Variants in CHD3 observed in about 807,000 individuals in gnomAD.
CHD3 encodes ATP-dependent chromatin remodeler CHD3.
Under a neutral mutation model 248.9 loss-of-function variants are expected in CHD3, and 52 were observed. That is an observed-to-expected ratio of 0.21 (90% confidence interval 0.17 to 0.26). The LOEUF (loss-of-function observed/expected upper bound fraction) is 0.26, where lower values mean the gene tolerates loss of function less well. Among genes scored for constraint, CHD3 ranks in the 10% least tolerant of loss-of-function variants. The pLI, the probability that CHD3 is intolerant of heterozygous loss-of-function variation, is 1.00. For missense variants in CHD3, 1,482 were observed against 2,605.8 expected (o/e 0.57, Z 9.39); for synonymous variants, 985 against 985.2 (o/e 1.00, Z 0.00).
At position 7,910,290 on chromosome 17, in the gene CHD3, G is replaced by C. The variant is rs1041337600; in HGVS notation, c.5591-138G>C. 3 of 1,055,582 alleles carry C rather than the reference G, an allele frequency of 2.8e-6. No homozygotes were observed. The African/African-American group carries it at 4.7e-5, about 17-fold the overall frequency. The allele number at this position is 1,055,582 out of a possible 1,614,324, so 65.4% of individuals were successfully genotyped here. A position where few individuals can be genotyped will look rare whatever the true frequency, so the allele number is the denominator to read the frequency against. Reference sequence around the variant, plus strand: ...ACTTCTTTTACTTTCTTGATCTCTGGTTCTTTGACATCTGTGTTCTCCTCT... The same window carrying C: ...ACTTCTTTTACTTTCTTGATCTCTGCTTCTTTGACATCTGTGTTCTCCTCT... On this transcript the variant is annotated intron_variant, in intron 37 of 39. Transcript: ENST00000330494. The surrounding 1 kb of genome is among the most constrained non-coding windows in gnomAD (Gnocchi z 4.7).
upstream of CHD3, among the ~76,000 whole-genome samples, chr17:7,888,517 G>A (rs545411416): frequency 1.3e-5 from 2 of 152,248 alleles, no homozygotes; most frequent in Non-Finnish European, 2.9e-5. Flanking sequence ...AGGGCCCCAG[G>A]TCTGTGGGGC....
chr17:7,905,423 C>G lies in CHD3; in HGVS notation c.4139-198C>G. On this transcript the variant is annotated intron_variant, in intron 26 of 39. Coordinates refer to ENST00000330494, the MANE Select transcript of CHD3 (RefSeq NM_001005273.3). This position sits in a 1 kb window ranked among gnomAD's most constrained non-coding sequence, Gnocchi z 5.8. Reference sequence around the variant, plus strand: ...AATCTGGGCCTTTGTCAGATATCAGCTGTTAATTTTAAAATATGACTGGTT... The same window carrying G: ...AATCTGGGCCTTTGTCAGATATCAGGTGTTAATTTTAAAATATGACTGGTT... 3.2e-6 allele frequency: 2 copies of G among 618,838 alleles called. No homozygotes were observed. Among genetic ancestry groups the G allele is most frequent in the South Asian group, 4.0e-5 (2 of 49,464 alleles). The allele number at this position is 618,838 out of a possible 1,614,324, so 38.3% of individuals were successfully genotyped here. A position where few individuals can be genotyped will look rare whatever the true frequency, so the allele number is the denominator to read the frequency against.
intron 10 of CHD3, among the ~76,000 whole-genome samples, chr17:7,896,230 A>C (rs1447779785): frequency 4.1e-5 from 6 of 146,796 alleles, no homozygotes; most frequent in African/African-American, 1.5e-4. Context: ...TCTATCTCAA[A>C]AAAAAAAAAA....
At chr17:7,896,184 T>G (rs1317383260) in intron 10 of CHD3, among the ~76,000 whole-genome samples, 1 of 141,940 alleles carries the variant, frequency 7.0e-6, no homozygotes, top group African/African-American at 2.7e-5. Flanking sequence ...GCCAAGATCG[T>G]GTCCCTGCAC....
At position 7,905,314 on chromosome 17, in the gene CHD3, T is replaced by C; in HGVS notation, c.4138+149T>C. ...ATGAGCAGAAAGGAAGAAATATTCA[T>C]AGTCTCTCTGCTAGTAAACTTCGGT... On this transcript the variant is annotated intron_variant, in intron 26 of 39. Coordinates refer to ENST00000330494, the MANE Select transcript of CHD3 (RefSeq NM_001005273.3). The surrounding 1 kb of genome is among the most constrained non-coding windows in gnomAD (Gnocchi z 5.8). The C allele has an allele frequency of 6.8e-6, 5 of 736,106 alleles. No homozygotes were observed. The highest frequency in any genetic ancestry group is 9.5e-6 in the Non-Finnish European group (4 of 421,222). 45.6% of individuals were successfully genotyped at this position (736,106 alleles called of 1,614,324 possible). A position where few individuals can be genotyped will look rare whatever the true frequency, so the allele number is the denominator to read the frequency against.
At chr17:7,887,391 T>C (rs1968135321), upstream of CHD3, among the ~76,000 whole-genome samples, 1 of 151,414 alleles carries the variant, frequency 6.6e-6, no homozygotes, top group African/African-American at 2.4e-5. Context: ...AGCCAAAAAC[T>C]CATTTCTTCT....
intron 10 of CHD3, 136 bp from the exon 11 acceptor site, chr17:7,896,947 C>T (rs1001628355): frequency 7.9e-5 from 56 of 707,778 alleles, no homozygotes; most frequent in Non-Finnish European, 1.3e-4. Context: ...GCATGAGCCA[C>T]CGTGCCTGGG....
chr17:7,903,136 C>T lies in CHD3; in HGVS notation c.3495+75C>T. 1.9e-6 allele frequency: 3 copies of T among 1,580,800 alleles called. No individual in the cohort carries two copies. Among genetic ancestry groups the T allele is most frequent in the Middle Eastern group, 3.4e-4 (2 of 5,940 alleles). ...GGTTCATGGAGGAGGGTGTCATGTT[C>T]CGGGGTCAGAAATAAATCTCTTCTG... On this transcript the variant is annotated intron_variant, in intron 22 of 39. Coordinates refer to ENST00000330494, the MANE Select transcript of CHD3 (RefSeq NM_001005273.3). This position sits in a 1 kb window ranked among gnomAD's most constrained non-coding sequence, Gnocchi z 6.8.
Position 7,906,954 on chromosome 17 carries a change from G to C in CHD3, c.4589G>C (p.Arg1530Thr), listed in dbSNP as rs1971039767. The C allele has an allele frequency of 1.2e-6, 2 of 1,614,126 alleles. No homozygotes were observed. Among genetic ancestry groups the C allele is most frequent in the Middle Eastern group, 1.6e-4 (1 of 6,062 alleles). The change falls in exon 30 of 40, where the codon AGA becomes ACA. Residue 1530 changes from arginine to threonine, a missense_variant. This residue lies in a region of CHD3 where 254 missense variants were observed against 266.7 expected (regional missense o/e 0.95). Transcript: ENST00000330494. This position sits in a 1 kb window ranked among gnomAD's most constrained non-coding sequence, Gnocchi z 5.0. ...AGCGCCGATTCTAAGCGCTCCTCCA[G>C]AGCCTCCTCTCCTACCAAAACGTCT... ...DPSADSKRSS[R>T]ASSPTKTSPT...
intron 5 of CHD3, 26 bp downstream of exon 5, chr17:7,893,595 T>A: frequency 6.5e-7 from 1 of 1,542,410 alleles, no homozygotes; most frequent in Non-Finnish European, 8.7e-7. Flanking sequence ...CCAACAACTG[T>A]CATCTCACCT....
rs138582040 is a variant in CHD3 at position 7,898,131 on chromosome 17, G to A, written c.2051+29G>A. On this transcript the variant is annotated intron_variant, in intron 12 of 39. Coordinates refer to ENST00000330494, the MANE Select transcript of CHD3 (RefSeq NM_001005273.3). ...AGGGAATGAGCTTGTGGATTCAAGG[G>A]ATTCTGACGATGAGGGCATGAAAGC... is the stretch of plus-strand genomic sequence containing the variant. The A allele has an allele frequency of 6.5e-5, 104 of 1,611,112 alleles. 1 individual carries two copies. The East Asian group carries it at 2.3e-3, about 36-fold the overall frequency.
In CHD3 at chr17:7,899,918, A is replaced by G. The variant is rs2151569005; in HGVS notation, c.2567A>G (p.His856Arg). 6.2e-7 allele frequency: 1 copy of G among 1,613,374 alleles called. No individual in the cohort carries two copies. ...CAGAGGGAGGCACAGGTGAAGTTCC[A>G]TGTTCTCCTGACATCGTATGAGCTG... ...KMKREAQVKFHVLLTSYELIT... is the reference protein window; with the variant it reads ...KMKREAQVKFRVLLTSYELIT... Residue 856 changes from histidine to arginine, a missense_variant, in exon 16 of 40, where the codon CAT becomes CGT. His to Arg is a conservative substitution (Grantham distance 29). This residue lies in a region of CHD3 where 49 missense variants were observed against 93.8 expected (regional missense o/e 0.52). Transcript: ENST00000330494. This position sits in a 1 kb window ranked among gnomAD's most constrained non-coding sequence, Gnocchi z 6.8.
At chr17:7,901,801 A>C (rs1970356521) in intron 20 of CHD3, among the ~76,000 whole-genome samples, 1 of 152,004 alleles carries the variant, frequency 6.6e-6, no homozygotes, top group African/African-American at 2.4e-5. Context: ...TAGCAAGTTC[A>C]TTCTTGGCCT....
chr17:7,904,756 G>A lies in CHD3; in HGVS notation c.4072+137G>A. On this transcript the variant is annotated intron_variant, in intron 25 of 39. Transcript: ENST00000330494. The surrounding 1 kb of genome is among the most constrained non-coding windows in gnomAD (Gnocchi z 4.4). ...CTCTGCTAAAAGGGAAAGACATAAG[G>A]TAGAGTCATTAGGAACTACCCAGAG... is the stretch of plus-strand genomic sequence containing the variant. The A allele has an allele frequency of 1.1e-6, 1 of 892,662 alleles. No homozygotes were observed. The highest frequency in any genetic ancestry group is 1.8e-5 in the South Asian group (1 of 55,326). The allele number at this position is 892,662 out of a possible 1,614,324, so 55.3% of individuals were successfully genotyped here.
chr17:7,898,303 A>T (rs753253748), intron 12 of CHD3, among the ~76,000 whole-genome samples, 193 bp from the exon 13 acceptor site: 1 of 152,156 alleles, frequency 6.6e-6, no homozygotes, highest in Non-Finnish European at 1.5e-5. Flanking sequence ...AGTAGTGGAG[A>T]AGAGGATGTT....
At position 7,907,978 on chromosome 17, in the gene CHD3, A is replaced by G; in HGVS notation, c.5111A>G (p.Lys1704Arg). 1 of 1,611,816 alleles carries G rather than the reference A, an allele frequency of 6.2e-7. No individual in the cohort carries two copies. The highest frequency in any genetic ancestry group is 1.3e-5 in the African/African-American group (1 of 74,944). ...SNGRREEKTE[K>R]PRFMFNIADG... The stretch of plus-strand genomic sequence containing the variant: ...GGGCGACGAGAGGAAAAGACAGAGA[A>G]GCCCCGGTTCATGTTCAATATCGCC... Residue 1704 changes from lysine (K) to arginine (R), a missense_variant, in exon 34 of 40, where the codon AAG (lysine) becomes AGG (arginine). Lys to Arg is a conservative substitution (Grantham distance 26). This residue lies in a region of CHD3 where 254 missense variants were observed against 266.7 expected (regional missense o/e 0.95). Transcript: ENST00000330494. This position sits in a 1 kb window ranked among gnomAD's most constrained non-coding sequence, Gnocchi z 4.3.
chr17:7,892,496 C>CTTTTTTT (rs34196029), intron 4 of CHD3, among the ~76,000 whole-genome samples: 2 of 112,464 alleles, frequency 1.8e-5, no homozygotes, highest in Non-Finnish European at 3.5e-5. Context: ...TTTATTTCCC[C>CTTTTTTT]TTTTTTTTTT....
chr17:7,885,440 T>TA (rs1284323532), upstream of CHD3, among the ~76,000 whole-genome samples: 1 of 149,934 alleles, frequency 6.7e-6, no homozygotes, highest in African/African-American at 2.4e-5. Flanking sequence ...GTTTTTTTTT[T>TA]ACCCTCGGCG....
Position 7,889,605 on chromosome 17 carries a change from G to T in CHD3, c.101-59G>T. ...CCGAGGTGGGGAAGGGGCAAGTTGA[G>T]GGGCCTCAGAGGCTGGAAACCTAGA... On this transcript the variant is annotated intron_variant, in intron 1 of 39. Coordinates refer to ENST00000330494, the MANE Select transcript of CHD3 (RefSeq NM_001005273.3). The surrounding 1 kb of genome is among the most constrained non-coding windows in gnomAD (Gnocchi z 4.5). 6.8e-7 allele frequency: 1 copy of T among 1,461,698 alleles called. No individual in the cohort carries two copies. The highest frequency in any genetic ancestry group is 9.4e-7 in the Non-Finnish European group (1 of 1,063,898). The allele number at this position is 1,461,698 out of a possible 1,614,324, so 90.5% of individuals were successfully genotyped here.
Sources: allele counts gnomAD v4.1 joint callset (sites outside exome capture counted in the v4.1 genomes callset), GRCh38; gene constraint gnomAD v4.1.1; regional missense constraint gnomAD v4.1.1; non-coding constraint Gnocchi (gnomAD v3.1); transcripts MANE v1.5; gene names NCBI Gene and HGNC (gene_info 2026-07-23, HGNC 2026-07-21).